Variants in DMBX1 observed in about 807,000 individuals in gnomAD.
The protein encoded by DMBX1 is diencephalon/mesencephalon homeobox 1, also known as diencephalon/mesencephalon homeobox protein 1.
DMBX1 carries 7 observed loss-of-function variants against 30.4 expected under a neutral mutation model. The observed-to-expected ratio is 0.23, with a 90% CI of 0.13 to 0.43. The LOEUF is 0.43. Among genes scored for constraint, DMBX1 ranks in the 20% least tolerant of loss-of-function variants. The pLI is 1.00. For synonymous variants in DMBX1, 222 were observed against 214.2 expected, an observed-to-expected ratio of 1.04 and a Z score of -0.32; for missense variants, 460 against 508.5, an observed-to-expected ratio of 0.90 and a Z score of 0.92.
At chr1:46,511,660 G>A (rs564295066) in intron 5 of DMBX1, among the ~76,000 whole-genome samples, 1 of 152,154 alleles carries the variant, frequency 6.6e-6, no homozygotes, top group South Asian at 2.1e-4. Context: ...AAGGAACAGA[G>A]CTCTGGCATG....
At chr1:46,502,606 G>T (rs1166495137) in intron 2 of DMBX1, among the ~76,000 whole-genome samples, 4 of 152,156 alleles carry the variant, frequency 2.6e-5, no homozygotes, top group Non-Finnish European at 4.4e-5. Flanking sequence ...CAAACCATAG[G>T]CCAGGTGTGG....
chr1:46,507,649 T>C (rs1227718978), intron 3 of DMBX1, among the ~76,000 whole-genome samples: 1 of 152,110 alleles, frequency 6.6e-6, no homozygotes, highest in Non-Finnish European at 1.5e-5. Flanking sequence ...CCAATCCCCA[T>C]GTGGAGAGGT....
intron 2 of DMBX1, among the ~76,000 whole-genome samples, chr1:46,500,582 T>C (rs1175067474): frequency 1.3e-5 from 1 of 76,472 alleles, no homozygotes; most frequent in Admixed American, 1.8e-4. Flanking sequence ...AAAGAAATAA[T>C]ATAAATGTGA....
chr1:46,498,251 C>T (rs903699317), intron 2 of DMBX1, among the ~76,000 whole-genome samples: 38 of 152,164 alleles, frequency 2.5e-4, no homozygotes, highest in African/African-American at 8.2e-4. Context: ...AGGTAGTGGG[C>T]TAGGACTCTG....
At chr1:46,507,212 G>A in intron 3 of DMBX1, 48 bp downstream of exon 3, 3 of 1,603,296 alleles carry the variant, frequency 1.9e-6, no homozygotes, top group Non-Finnish European at 2.6e-6. Flanking sequence ...GTGGGGGTTG[G>A]GGGAGAAGGC....
At chr1:46,506,542 AT>A (rs1666239440) in intron 2 of DMBX1, among the ~76,000 whole-genome samples, 1 of 152,268 alleles carries the variant, frequency 6.6e-6, no homozygotes, top group Non-Finnish European at 1.5e-5. Context: ...CAGCAAATGA[AT>A]TTGTAAATCA....
rs150344066 is a variant in DMBX1, at chr1:46,512,062, C to A, written c.702C>A (p.Thr234=). The A allele has an allele frequency of 6.2e-7, 1 of 1,612,024 alleles. No individual in the cohort carries two copies. The highest frequency in any genetic ancestry group is 8.5e-7 in the Non-Finnish European group (1 of 1,179,494). The change falls in exon 6 of 6, where the codon ACC becomes ACA. Residue 234 remains threonine (T), a synonymous_variant. Transcript: ENST00000360032. This position sits in a 1 kb window ranked among gnomAD's most constrained non-coding sequence, Gnocchi z 4.8. ...SPKADSPGSL[T]ITPVAPGGGL... ...TTGCAGATTCCCCAGGCAGCCTGAC[C>A]ATCACTCCTGTGGCCCCAGGGGGTG...
chr1:46,507,494 G>T (rs547266579), intron 3 of DMBX1, among the ~76,000 whole-genome samples: 2 of 152,290 alleles, frequency 1.3e-5, no homozygotes, highest in African/African-American at 4.8e-5. Flanking sequence ...GAGTATTATG[G>T]CTGGGAAGTA....
rs1237100648 is a variant in DMBX1, at chr1:46,514,443, G to C, written c.*1949G>C. ...TTACTATTGCCTTTCTGTGGAGCAA[G>C]GGGTGTTGTACACACAAGCCTCACT... On this transcript the variant is annotated 3_prime_UTR_variant, in exon 6 of 6. Coordinates refer to ENST00000360032, the MANE Select transcript of DMBX1 (RefSeq NM_172225.2). Among the ~76,000 whole-genome samples, 4 of 152,206 alleles carry C rather than the reference G, an allele frequency of 2.6e-5. No homozygotes were observed. Among genetic ancestry groups the C allele is most frequent in the Non-Finnish European group, 5.9e-5 (4 of 68,032 alleles).
At chr1:46,504,065 GT>G (rs1407933184) in intron 2 of DMBX1, among the ~76,000 whole-genome samples, 2 of 152,222 alleles carry the variant, frequency 1.3e-5, no homozygotes, top group Middle Eastern at 3.4e-3. Flanking sequence ...GGGGTTGTTT[GT>G]TTTTTTCTTG....
At chr1:46,500,774 TACAG>T (rs1429424005) in intron 2 of DMBX1, among the ~76,000 whole-genome samples, 17 of 152,218 alleles carry the variant, frequency 1.1e-4, no homozygotes, top group Non-Finnish European at 2.1e-4. Flanking sequence ...CATCAGCACA[TACAG>T]ATACACATCA....
In DMBX1 at chr1:46,506,988, T is replaced by C; in HGVS notation, c.-12-11T>C. 3 of 1,613,122 alleles carry C rather than the reference T, an allele frequency of 1.9e-6. No individual in the cohort carries two copies. The highest frequency in any genetic ancestry group is 2.2e-5 in the East Asian group (1 of 44,866). The stretch of plus-strand genomic sequence containing the variant: ...CCTGCCTCATGGCCCCTCTCCCTTT[T>C]CCGTCTGTAGGCGGATGCCGCCATG... On this transcript the variant is annotated splice_polypyrimidine_tract_variant and intron_variant, in intron 2 of 5. Transcript: ENST00000360032.
At position 46,507,158 on chromosome 1, in the gene DMBX1, C is replaced by T. The variant is rs769222954; in HGVS notation, c.148C>T (p.Leu50=). The stretch of plus-strand genomic sequence containing the variant: ...GCATGCGCTTACATTGGCTGAGCGC[C>T]TGGCTGGTAAGGGCCCTGGGGATGG... ...SVHALTLAER[L]ADIILEARYG... Residue 50 remains leucine (L), a synonymous_variant, in exon 3 of 6, where the codon CTG becomes TTG. Coordinates refer to ENST00000360032, the MANE Select transcript of DMBX1 (RefSeq NM_172225.2). 3 of 1,613,976 alleles carry T rather than the reference C, an allele frequency of 1.9e-6. No homozygotes were observed. Among genetic ancestry groups the T allele is most frequent in the African/African-American group, 1.3e-5 (1 of 74,932 alleles).
Position 46,511,021 on chromosome 1 carries a change from G to C in DMBX1, c.420G>C (p.Glu140Asp). The change falls in exon 5 of 6, where the codon GAG (glutamate) becomes GAC (aspartate). Residue 140 changes from glutamate to aspartate, a missense_variant. By Grantham distance (45) the Glu-to-Asp change is conservative (BLOSUM62 2). Around this residue, in one of 3 missense-constraint regions of DMBX1, gnomAD observed 334 missense variants for 345.1 expected, o/e 0.97. Transcript: ENST00000360032. Reference sequence around the variant, plus strand: ...AGCTCCAGAAGCAGAAGGAGGCTGAGGGCTCCCATGGGGAAGGCAAGGCCG... The same window carrying C: ...AGCTCCAGAAGCAGAAGGAGGCTGACGGCTCCCATGGGGAAGGCAAGGCCG... ...KEQLQKQKEA[E>D]GSHGEGKAEA... The C allele has an allele frequency of 6.2e-7, 1 of 1,614,104 alleles. No homozygotes were observed. The highest frequency in any genetic ancestry group is 2.2e-5 in the East Asian group (1 of 44,876).
intron 5 of DMBX1, among the ~76,000 whole-genome samples, 190 bp from the exon 6 acceptor site, chr1:46,511,853 C>A (rs1666379015): frequency 6.6e-6 from 1 of 152,150 alleles, no homozygotes. Context: ...TCCCAAGAAG[C>A]CTGGGTCCCT....
At chr1:46,502,886 AAAAAAAAC>A (rs1346587995) in intron 2 of DMBX1, among the ~76,000 whole-genome samples, 1 of 151,846 alleles carries the variant, frequency 6.6e-6, no homozygotes, top group Non-Finnish European at 1.5e-5. Flanking sequence ...TCTCAGAAAT[AAAAAAAAC>A]AAAACAAAAC....
chr1:46,500,125 C>T (rs1471921760), intron 2 of DMBX1, among the ~76,000 whole-genome samples: 6 of 151,502 alleles, frequency 4.0e-5, no homozygotes, highest in Admixed American at 1.3e-4. Flanking sequence ...AGAGTAAAGG[C>T]GTGGAGATGA....
At position 46,492,194 on chromosome 1, in the gene DMBX1, A is replaced by T. The variant is rs544890723; in HGVS notation, c.-13+1411A>T. Among the ~76,000 whole-genome samples the T allele has an allele frequency of 3.9e-5, 6 of 152,336 alleles. No homozygotes were observed. In the South Asian group the frequency reaches 1.0e-3, roughly 26 times the overall value. On this transcript the variant is annotated intron_variant, in intron 2 of 5. Transcript: ENST00000360032. Reference sequence around the variant, plus strand: ...GAAGGACAAGCACTCGGGCCTCGGGATGGGCTCTGCCAGATAGTGGGCTTA... The same window carrying T: ...GAAGGACAAGCACTCGGGCCTCGGGTTGGGCTCTGCCAGATAGTGGGCTTA...
chr1:46,511,143 A>G lies in DMBX1; in HGVS notation c.542A>G (p.Gln181Arg). 3 of 1,613,960 alleles carry G rather than the reference A, an allele frequency of 1.9e-6. No individual in the cohort carries two copies. The highest frequency in any genetic ancestry group is 2.5e-6 in the Non-Finnish European group (3 of 1,179,988). ...GAGCTTCACCTGAGTCTGTCTGAGC[A>G]GTCAGCCAGTGAGTCAGCCCCCGAG... is the stretch of plus-strand genomic sequence containing the variant. ...PAELHLSLSEQSASESAPEDQ... is the reference protein window; with the variant it reads ...PAELHLSLSERSASESAPEDQ... Residue 181 changes from glutamine to arginine, a missense_variant, in exon 5 of 6, where the codon CAG becomes CGG. This residue lies in a region of DMBX1 where 334 missense variants were observed against 345.1 expected (regional missense o/e 0.97). Coordinates refer to ENST00000360032, the MANE Select transcript of DMBX1 (RefSeq NM_172225.2).
Sources: allele counts gnomAD v4.1 joint callset (sites outside exome capture counted in the v4.1 genomes callset), GRCh38; gene constraint gnomAD v4.1.1; regional missense constraint gnomAD v4.1.1; non-coding constraint Gnocchi (gnomAD v3.1); transcripts MANE v1.5; gene names NCBI Gene and HGNC (gene_info 2026-07-23, HGNC 2026-07-21).